PPP1R12A: variants seen among roughly 807,000 people sequenced by gnomAD.
PPP1R12A encodes the protein myosin binding subunit.
Under a neutral mutation model 139.6 loss-of-function variants are expected in PPP1R12A, and 19 were observed. The observed-to-expected ratio is 0.14, with a 90% CI of 0.09 to 0.20. The LOEUF (loss-of-function observed/expected upper bound fraction) is 0.20, where lower values mean the gene tolerates loss of function less well. Ranked by LOEUF, PPP1R12A falls within the 10% of genes least tolerant of loss-of-function variation. PPP1R12A has a pLI of 1.00. For missense variants in PPP1R12A, 925 were observed against 1,211.5 expected, an observed-to-expected ratio of 0.76 and a Z score of 3.51; for synonymous variants, 427 against 420.6, an observed-to-expected ratio of 1.02 and a Z score of -0.19.
At chr12:79,819,627 A>C (rs1390711968) in intron 8 of PPP1R12A, among the ~76,000 whole-genome samples, 1 of 152,128 alleles carries the variant, frequency 6.6e-6, no homozygotes, top group Non-Finnish European at 1.5e-5. Context: ...CCCAGGGAGG[A>C]GATTAACTGC....
At chr12:79,878,792 T>C (rs1883358266) in intron 1 of PPP1R12A, among the ~76,000 whole-genome samples, 1 of 152,170 alleles carries the variant, frequency 6.6e-6, no homozygotes, top group Non-Finnish European at 1.5e-5. Flanking sequence ...ACTGCCCCCA[T>C]GATTCATTCA....
chr12:79,825,875 T>C (rs1263928998), intron 5 of PPP1R12A, among the ~76,000 whole-genome samples: 1 of 151,924 alleles, frequency 6.6e-6, no homozygotes, highest in African/African-American at 2.4e-5. Context: ...GTCTAATTCA[T>C]ACATGCAAAG....
chr12:79,805,739 C>T lies in PPP1R12A; in HGVS notation c.1853G>A (p.Ser618Asn), dbSNP rs1230006280. 6.2e-7 allele frequency: 1 copy of T among 1,612,902 alleles called. No homozygotes were observed. The highest frequency in any genetic ancestry group is 1.3e-5 in the African/African-American group (1 of 74,902). Residue 618 changes from serine (S) to asparagine (N), a missense_variant, in exon 14 of 25, where the codon AGT becomes AAT. Physicochemically the swap from Ser to Asn is conservative, Grantham distance 46 (BLOSUM62 1). This residue lies in a region of PPP1R12A where 403 missense variants were observed against 463.7 expected (regional missense o/e 0.87). Coordinates refer to ENST00000450142, the MANE Select transcript of PPP1R12A (RefSeq NM_002480.3). Reference sequence around the variant, plus strand: ...AACACTGTCCTTTTCTTTCTCAGTACTATCCTCAGCCCACAAACGATTTGA... The same window carrying T: ...AACACTGTCCTTTTCTTTCTCAGTATTATCCTCAGCCCACAAACGATTTGA... ...STSNRLWAED[S>N]TEKEKDSVPT...
chr12:79,842,881 T>C (rs1192154243), intron 3 of PPP1R12A, among the ~76,000 whole-genome samples: 3 of 151,748 alleles, frequency 2.0e-5, no homozygotes, highest in East Asian at 3.9e-4. Flanking sequence ...ATTCACATTG[T>C]TGTGTAACAT....
chr12:79,871,099 T>C (rs998829924), intron 2 of PPP1R12A, among the ~76,000 whole-genome samples: 2 of 152,238 alleles, frequency 1.3e-5, no homozygotes, highest in African/African-American at 4.8e-5. Context: ...AAGTCCATTT[T>C]TGGGAAATTC....
intron 24 of PPP1R12A, chr12:79,777,492 C>T: frequency 1.0e-6 from 1 of 985,262 alleles, no homozygotes; most frequent in Non-Finnish European, 1.2e-6. Context: ...CCTGGCTCTA[C>T]CAAGAAGAAA....
At chr12:79,923,936 C>T (rs1457123001) in intron 1 of PPP1R12A, among the ~76,000 whole-genome samples, 1 of 151,806 alleles carries the variant, frequency 6.6e-6, no homozygotes, top group Non-Finnish European at 1.5e-5. Flanking sequence ...CCCAGCTACT[C>T]GGGAGGCTGA....
chr12:79,778,922 AAAAC>A (rs1473587267), intron 23 of PPP1R12A: 4 of 232,370 alleles, frequency 1.7e-5, no homozygotes, highest in Admixed American at 5.0e-5. Flanking sequence ...ACAGAGAAGA[AAAAC>A]AAAACTCACA....
Position 79,775,422 on chromosome 12 carries a change from A to G in PPP1R12A, c.*507T>C, listed in dbSNP as rs1392777025. On this transcript the variant is annotated 3_prime_UTR_variant, in exon 25 of 25. Transcript: ENST00000450142. ...ACATAGAAGACTCTGCCACATGAAG[A>G]GTTTAGAAGGAAAAAATACAAACCC... is the stretch of plus-strand genomic sequence containing the variant. The G allele has an allele frequency of 6.6e-6, 1 of 152,456 alleles. No individual in the cohort carries two copies. The highest frequency in any genetic ancestry group is 2.4e-5 in the African/African-American group (1 of 41,448). The allele number at this position is 152,456 out of a possible 1,614,324, so 9.4% of individuals were successfully genotyped here. A position where few individuals can be genotyped will look rare whatever the true frequency, so the allele number is the denominator to read the frequency against.
In PPP1R12A at chr12:79,922,399, A is replaced by G. The variant is rs566676696; in HGVS notation, c.237+12296T>C. ...GTTAGTTTTCCATTTTCAATATACT[A>G]GAAACTTTATTAAAAATGCCTTTTG... On this transcript the variant is annotated intron_variant, in intron 1 of 24. Transcript: ENST00000450142. Among the ~76,000 whole-genome samples, 3 of 152,348 alleles carry G rather than the reference A, an allele frequency of 2.0e-5. No homozygotes were observed. The East Asian group carries it at 5.8e-4, about 29-fold the overall frequency.
intron 19 of PPP1R12A, among the ~76,000 whole-genome samples, 165 bp from the exon 20 acceptor site, chr12:79,790,648 C>G (rs1871726695): frequency 6.6e-6 from 1 of 152,080 alleles, no homozygotes; most frequent in Non-Finnish European, 1.5e-5. Flanking sequence ...TTAAAATTTA[C>G]TTTCTCGAAA....
intron 1 of PPP1R12A, among the ~76,000 whole-genome samples, chr12:79,917,253 G>A (rs962230631): frequency 2.0e-5 from 3 of 152,012 alleles, no homozygotes; most frequent in Non-Finnish European, 2.9e-5. Flanking sequence ...TTGGGAGGCC[G>A]AGGCGGGTGG....
At chr12:79,875,718 G>A (rs540125478) in intron 1 of PPP1R12A, among the ~76,000 whole-genome samples, 4 of 152,228 alleles carry the variant, frequency 2.6e-5, no homozygotes, top group Non-Finnish European at 2.9e-5. Flanking sequence ...TTAAGAATCC[G>A]GAAGGATATT....
intron 1 of PPP1R12A, among the ~76,000 whole-genome samples, chr12:79,916,284 C>G (rs1279696680): frequency 6.6e-6 from 1 of 152,180 alleles, no homozygotes. Flanking sequence ...TAAAAGTCCT[C>G]TTTTCACTGC....
chr12:79,812,093 T>A (rs1207928483), intron 9 of PPP1R12A, among the ~76,000 whole-genome samples: 1 of 152,178 alleles, frequency 6.6e-6, no homozygotes, highest in African/African-American at 2.4e-5. Context: ...TACTGTTATT[T>A]TAGAGTTGAG....
intron 2 of PPP1R12A, among the ~76,000 whole-genome samples, chr12:79,856,941 G>C (rs1240088554): frequency 1.3e-5 from 2 of 152,204 alleles, no homozygotes; most frequent in African/African-American, 4.8e-5. Context: ...GAAATGGTAA[G>C]TATAAATACA....
At chr12:79,781,893 T>C (rs370886849) in intron 22 of PPP1R12A, 31 bp from the exon 23 acceptor site, 3 of 1,457,092 alleles carry the variant, frequency 2.1e-6, no homozygotes, top group Non-Finnish European at 2.8e-6. Flanking sequence ...ATAAAAGAGA[T>C]AAGTGCAAAA....
chr12:79,920,118 A>T (rs1042354707), intron 1 of PPP1R12A, among the ~76,000 whole-genome samples: 2 of 152,208 alleles, frequency 1.3e-5, no homozygotes, highest in African/African-American at 4.8e-5. Context: ...TATAAATGGA[A>T]TCATACACCA....
chr12:79,897,022 C>T (rs986900453), intron 1 of PPP1R12A, among the ~76,000 whole-genome samples: 7 of 152,264 alleles, frequency 4.6e-5, no homozygotes, highest in Non-Finnish European at 1.0e-4. Context: ...TCCAGCAACC[C>T]CATTGCTGGG....
Sources: allele counts gnomAD v4.1 joint callset (sites outside exome capture counted in the v4.1 genomes callset), GRCh38; gene constraint gnomAD v4.1.1; regional missense constraint gnomAD v4.1.1; transcripts MANE v1.5; gene names NCBI Gene and HGNC (gene_info 2026-07-23, HGNC 2026-07-21).